Variants in FAM53A observed in about 807,000 individuals in gnomAD.
The protein encoded by FAM53A is protein FAM53A.
A neutral mutation model predicts 26.6 loss-of-function variants in FAM53A; 28 were observed. That is an observed-to-expected ratio of 1.05 (90% confidence interval 0.78 to 1.45). The LOEUF is 1.45. Ranked by LOEUF, FAM53A falls within the 40% of genes most tolerant of loss-of-function variation. The pLI, the probability that FAM53A is intolerant of heterozygous loss-of-function variation, is 0.00. For missense variants in FAM53A, 650 were observed against 575.8 expected (o/e 1.13, Z -1.32); for synonymous variants, 290 against 253.1 (o/e 1.15, Z -1.38).
intron 4 of FAM53A, among the ~76,000 whole-genome samples, chr4:1,642,719 C>T (rs545955235): frequency 5.9e-5 from 9 of 151,790 alleles, no homozygotes; most frequent in Admixed American, 2.6e-4. Flanking sequence ...CTGTGGTGCC[C>T]AGCGCCGTCC....
In FAM53A at chr4:1,655,871, G is replaced by T. The variant is rs1196229013; in HGVS notation, c.137-148C>A. 6 of 982,338 alleles carry T rather than the reference G, an allele frequency of 6.1e-6. No individual in the cohort carries two copies. The East Asian group carries it at 1.8e-4, about 29-fold the overall frequency. 60.9% of individuals were successfully genotyped at this position (982,338 alleles called of 1,614,324 possible). A position where few individuals can be genotyped will look rare whatever the true frequency, so the allele number is the denominator to read the frequency against. ...GGCGTGCTTCTCCAAGATGTCCGTG[G>T]CGCACAGTGGACACCAGCCCCGCCT... is the stretch of plus-strand genomic sequence containing the variant. On this transcript the variant is annotated intron_variant, in intron 3 of 4. Transcript: ENST00000308132.
At chr4:1,653,811 G>A (rs1262827183) in intron 4 of FAM53A, among the ~76,000 whole-genome samples, 2 of 152,234 alleles carry the variant, frequency 1.3e-5, no homozygotes, top group Admixed American at 6.5e-5. Context: ...AGGACCCTGG[G>A]GGATCCCACC....
At chr4:1,597,049 CA>C in the FAM53A span, among the ~76,000 whole-genome samples, 1 of 152,174 alleles carries the variant, frequency 6.6e-6, no homozygotes, top group South Asian at 2.1e-4. Flanking sequence ...CGAGAGGGGA[CA>C]GGCAGCTCCT....
At chr4:1,682,464 T>C (rs1438875981) in intron 1 of FAM53A, among the ~76,000 whole-genome samples, 1 of 152,092 alleles carries the variant, frequency 6.6e-6, no homozygotes, top group Non-Finnish European at 1.5e-5. Context: ...GGTTTCACCA[T>C]GTTGGCCAGG....
the FAM53A span, among the ~76,000 whole-genome samples, chr4:1,601,568 TTGCCATGCGCCCCATC>T: frequency 2.4e-3 from 262 of 107,188 alleles, 48 homozygotes; most frequent in South Asian, 0.013. Flanking sequence ...TGCGCCCCAT[TTGCCATGCGCCCCATC>T]TGCCATGCGC....
rs954231623 is a variant in FAM53A, at chr4:1,640,132, G to A, written c.*1161C>T. The A allele has an allele frequency of 6.4e-6, 1 of 155,146 alleles. No individual in the cohort carries two copies. Among genetic ancestry groups the A allele is most frequent in the African/African-American group, 2.4e-5 (1 of 41,484 alleles). The allele number at this position is 155,146 out of a possible 1,614,324, so 9.6% of individuals were successfully genotyped here. A position where few individuals can be genotyped will look rare whatever the true frequency, so the allele number is the denominator to read the frequency against. On this transcript the variant is annotated 3_prime_UTR_variant, in exon 5 of 5. Coordinates refer to ENST00000308132, the MANE Select transcript of FAM53A (RefSeq NM_001174070.3). ...TGCCGGCAGGACAGCCTTCCCAGAGGTCTGGCACTACACCCCACCTGAAGG... is the reference window on the plus strand; with the variant it reads ...TGCCGGCAGGACAGCCTTCCCAGAGATCTGGCACTACACCCCACCTGAAGG...
At chr4:1,669,050 C>T (rs529361563) in intron 1 of FAM53A, 145 bp from the exon 2 acceptor site, 39 of 325,362 alleles carry the variant, frequency 1.2e-4, no homozygotes, top group Middle Eastern at 8.4e-4. Flanking sequence ...AACTACCACG[C>T]GAGTTCTCTT....
At chr4:1,626,752 T>A (rs1358779216) in intron 1 of FAM53A, among the ~76,000 whole-genome samples, 1 of 151,486 alleles carries the variant, frequency 6.6e-6, no homozygotes, top group Non-Finnish European at 1.5e-5. Context: ...CAGTGTAGAC[T>A]CTCAGCTACA....
the FAM53A span, among the ~76,000 whole-genome samples, chr4:1,576,799 G>C: frequency 6.6e-6 from 1 of 152,342 alleles, no homozygotes; most frequent in South Asian, 2.1e-4. Flanking sequence ...GAGAGGAGAG[G>C]GGCTGTGGCG....
the FAM53A span, among the ~76,000 whole-genome samples, chr4:1,603,503 G>C: frequency 3.3e-5 from 5 of 152,180 alleles, no homozygotes; most frequent in Non-Finnish European, 5.9e-5. Flanking sequence ...AATGGCCTGG[G>C]GCAGCTCAGG....
Position 1,662,649 on chromosome 4 carries a change from CAA to C in FAM53A, c.76-5183_76-5182del, listed in dbSNP as rs34936313. 5.1e-3 allele frequency among the ~76,000 whole-genome samples: 533 copies of C among 104,476 alleles called. 2 individuals carry two copies. Among genetic ancestry groups the C allele is most frequent in the Middle Eastern group, 8.3e-3 (2 of 242 alleles). 68.5% of individuals were successfully genotyped at this position (104,476 alleles called of 152,430 possible). A position where few individuals can be genotyped will look rare whatever the true frequency, so the allele number is the denominator to read the frequency against. On this transcript the variant is annotated intron_variant, in intron 2 of 4. Transcript: ENST00000308132. The stretch of plus-strand genomic sequence containing the variant: ...TGGGCAACAAAGCAAGGCCCTGTCT[CAA>C]AAAAAAAAAAAAAAAGGGTTCTTAC...
chr4:1,638,673 G>C (rs1445668664), downstream of FAM53A, among the ~76,000 whole-genome samples: 1 of 152,166 alleles, frequency 6.6e-6, no homozygotes, highest in Non-Finnish European at 1.5e-5. Flanking sequence ...GGGAGTGTCG[G>C]AGGGGTGGGG....
the FAM53A span, among the ~76,000 whole-genome samples, chr4:1,575,628 G>C: frequency 6.6e-6 from 1 of 152,118 alleles, no homozygotes. Context: ...CCAGCAGGGG[G>C]AGGGAGGGGT....
At chr4:1,604,500 C>T in the FAM53A span, among the ~76,000 whole-genome samples, 2 of 152,022 alleles carry the variant, frequency 1.3e-5, no homozygotes, top group Non-Finnish European at 2.9e-5. Flanking sequence ...AGCACATCCC[C>T]GAGAGACCCC....
intron 1 of FAM53A, among the ~76,000 whole-genome samples, chr4:1,670,103 C>A (rs935679118): frequency 1.3e-5 from 2 of 152,058 alleles, no homozygotes; most frequent in African/African-American, 4.8e-5. Context: ...TCAGAAGGAC[C>A]GCCCGGCCAC....
At chr4:1,676,673 G>A (rs1715065657) in intron 1 of FAM53A, among the ~76,000 whole-genome samples, 1 of 152,066 alleles carries the variant, frequency 6.6e-6, no homozygotes, top group African/African-American at 2.4e-5. Flanking sequence ...CACACAGCCC[G>A]CAGACACTGC....
At chr4:1,652,395 CACACACACCAG>C (rs762230705) in intron 4 of FAM53A, among the ~76,000 whole-genome samples, 10 of 148,308 alleles carry the variant, frequency 6.7e-5, no homozygotes, top group Non-Finnish European at 1.2e-4. Flanking sequence ...ACATGCACAC[CACACACACCAG>C]ACACACACAC....
chr4:1,575,362 C>T, the FAM53A span, among the ~76,000 whole-genome samples: 4 of 152,196 alleles, frequency 2.6e-5, no homozygotes, highest in African/African-American at 9.6e-5. Context: ...CCAATCTCCA[C>T]TTGGCATCAT....
the FAM53A span, chr4:1,574,472 G>C: frequency 6.6e-6 from 1 of 152,486 alleles, no homozygotes; most frequent in Non-Finnish European, 1.5e-5. Flanking sequence ...TGTGTGGGGA[G>C]AGTCAGTGAA....
Sources: allele counts gnomAD v4.1 joint callset (sites outside exome capture counted in the v4.1 genomes callset), GRCh38; gene constraint gnomAD v4.1.1; transcripts MANE v1.5; gene names NCBI Gene and HGNC (gene_info 2026-07-23, HGNC 2026-07-21).